Variants in MIPOL1 observed in about 807,000 individuals in gnomAD.
MIPOL1 encodes mirror-image polydactyly 1.
A neutral mutation model predicts 60.9 loss-of-function variants in MIPOL1; 57 were observed. The ratio of observed to expected loss-of-function variants is 0.94; its 90% confidence interval spans 0.76 to 1.17. The LOEUF is 1.17. MIPOL1 is among the 50% of genes most tolerant of loss of function. The pLI, the probability that MIPOL1 is intolerant of heterozygous loss-of-function variation, is 0.00. For missense variants in MIPOL1, 551 were observed against 511.6 expected, an observed-to-expected ratio of 1.08 and a Z score of -0.74; for synonymous variants, 179 against 168.8, an observed-to-expected ratio of 1.06 and a Z score of -0.47.
At chr14:37,308,833 T>C (rs2087021253) in intron 9 of MIPOL1, among the ~76,000 whole-genome samples, 1 of 152,154 alleles carries the variant, frequency 6.6e-6, no homozygotes, top group South Asian at 2.1e-4. Context: ...TGGGACTTCT[T>C]ACTTAAATTA....
intron 11 of MIPOL1, among the ~76,000 whole-genome samples, chr14:37,431,705 A>G (rs1483478698): frequency 7.1e-6 from 1 of 140,454 alleles, no homozygotes; most frequent in Non-Finnish European, 1.5e-5. Context: ...CAGCCTCCCA[A>G]CTAGCTGGGA....
intron 11 of MIPOL1, among the ~76,000 whole-genome samples, chr14:37,494,873 G>A (rs1046361562): frequency 6.6e-6 from 1 of 152,062 alleles, no homozygotes; most frequent in African/African-American, 2.4e-5. Context: ...AGCCTTGATG[G>A]TAATTAACAG....
In MIPOL1 at chr14:37,268,891, CTTTAATCA is replaced by C. The variant is rs2083081522; in HGVS notation, c.387+104_387+111del. The stretch of plus-strand genomic sequence containing the variant: ...CATCATAATTCAGTTTTATTTTGCA[CTTTAATCA>C]TTTAACAGTAGCTTTATGTTTTTGC... On this transcript the variant is annotated intron_variant, in intron 5 of 12. Coordinates refer to ENST00000684589, the MANE Select transcript of MIPOL1 (RefSeq NM_001388067.1). 5 of 1,008,924 alleles carry C rather than the reference CTTTAATCA, an allele frequency of 5.0e-6. No individual in the cohort carries two copies. In the South Asian group the frequency reaches 8.2e-5, roughly 16 times the overall value. The allele number at this position is 1,008,924 out of a possible 1,614,324, so 62.5% of individuals were successfully genotyped here. A position where few individuals can be genotyped will look rare whatever the true frequency, so the allele number is the denominator to read the frequency against.
chr14:37,476,283 T>C (rs1050778180), intron 11 of MIPOL1, among the ~76,000 whole-genome samples: 7 of 152,194 alleles, frequency 4.6e-5, no homozygotes, highest in Admixed American at 4.6e-4. Flanking sequence ...GGAGTTGTTT[T>C]ATTTGTTTGT....
chr14:37,450,827 A>G (rs1396548765), intron 11 of MIPOL1, among the ~76,000 whole-genome samples: 1 of 152,064 alleles, frequency 6.6e-6, no homozygotes, highest in Non-Finnish European at 1.5e-5. Flanking sequence ...TTTTTTATCA[A>G]TGTATTTGAA....
intron 11 of MIPOL1, among the ~76,000 whole-genome samples, chr14:37,494,572 A>G (rs962946939): frequency 6.6e-6 from 1 of 152,214 alleles, no homozygotes; most frequent in Non-Finnish European, 1.5e-5. Context: ...GCAGGGCTTT[A>G]TAGACCACAG....
chr14:37,359,230 A>C (rs1287956660), intron 9 of MIPOL1, among the ~76,000 whole-genome samples: 1 of 152,174 alleles, frequency 6.6e-6, no homozygotes, highest in African/African-American at 2.4e-5. Context: ...TGTTTTGGTT[A>C]CTGTAGCCTT....
intron 9 of MIPOL1, among the ~76,000 whole-genome samples, chr14:37,309,637 C>T (rs1206197632): frequency 6.6e-6 from 1 of 151,892 alleles, no homozygotes; most frequent in Non-Finnish European, 1.5e-5. Flanking sequence ...CGCTTTCTGA[C>T]TACCAGCTGC....
chr14:37,379,798 A>G (rs1303536885), intron 10 of MIPOL1, among the ~76,000 whole-genome samples: 2 of 152,116 alleles, frequency 1.3e-5, no homozygotes, highest in Non-Finnish European at 2.9e-5. Context: ...TTATTAAGTA[A>G]AAGTGGGAAG....
At position 37,207,580 on chromosome 14, in the gene MIPOL1, C is replaced by G. The variant is rs565946549; in HGVS notation, c.-199+9476C>G. 1.1e-3 allele frequency among the ~76,000 whole-genome samples: 160 copies of G among 152,140 alleles called. 1 individual carries two copies. Among genetic ancestry groups the G allele is most frequent in the Admixed American group, 2.6e-3 (39 of 15,282 alleles). On this transcript the variant is annotated intron_variant, in intron 1 of 12. Transcript: ENST00000684589. The stretch of plus-strand genomic sequence containing the variant: ...TTATTTTTTGAGATGGAGTCTCTCT[C>G]TGTTGCTCAGGCTGGAGTGCAGTGG...
At chr14:37,546,874 C>G (rs181581017) in intron 12 of MIPOL1, 31 bp from the exon 13 acceptor site, 25 of 1,590,456 alleles carry the variant, frequency 1.6e-5, no homozygotes, top group Admixed American at 5.2e-5. Flanking sequence ...CTTTTTTTCC[C>G]CTTCTCACCC....
intron 3 of MIPOL1, among the ~76,000 whole-genome samples, chr14:37,252,997 T>A (rs1450318235): frequency 1.3e-5 from 2 of 151,820 alleles, no homozygotes; most frequent in Non-Finnish European, 2.9e-5. Context: ...ATTATGATTA[T>A]ATACTCCTTG....
intron 10 of MIPOL1, among the ~76,000 whole-genome samples, chr14:37,398,166 G>A (rs1404452099): frequency 1.3e-5 from 2 of 152,044 alleles, no homozygotes; most frequent in Admixed American, 6.6e-5. Context: ...CTCTACCCCT[G>A]TATTTTGTTC....
intron 10 of MIPOL1, among the ~76,000 whole-genome samples, chr14:37,396,212 G>A (rs1477889151): frequency 6.6e-6 from 1 of 152,056 alleles, no homozygotes; most frequent in Admixed American, 6.6e-5. Context: ...GAAAAAGACT[G>A]TATCTTTCCT....
At chr14:37,287,235 A>T (rs1017893522) in intron 7 of MIPOL1, among the ~76,000 whole-genome samples, 5 of 150,694 alleles carry the variant, frequency 3.3e-5, no homozygotes, top group Admixed American at 6.6e-5. Context: ...TTAAAAATAT[A>T]TATATATGTA....
At chr14:37,222,489 TTTC>T (rs1475907647) in intron 1 of MIPOL1, among the ~76,000 whole-genome samples, 1 of 151,930 alleles carries the variant, frequency 6.6e-6, no homozygotes, top group East Asian at 1.9e-4. Flanking sequence ...TGCTTAGAAA[TTTC>T]TTCTGCCAGA....
intron 11 of MIPOL1, among the ~76,000 whole-genome samples, chr14:37,433,899 A>G (rs533736480): frequency 8.3e-4 from 127 of 152,112 alleles, no homozygotes; most frequent in Non-Finnish European, 1.6e-3. Flanking sequence ...TCCATGGTGT[A>G]TATGTGCTAC....
At chr14:37,483,743 C>T (rs2094908217) in intron 11 of MIPOL1, among the ~76,000 whole-genome samples, 1 of 152,094 alleles carries the variant, frequency 6.6e-6, no homozygotes. Context: ...TCAAGCAATC[C>T]TCCTGCCTCA....
rs181099444 is a variant in MIPOL1, at chr14:37,277,344, T to A, written c.493+6819T>A. On this transcript the variant is annotated intron_variant, in intron 6 of 12. Coordinates refer to ENST00000684589, the MANE Select transcript of MIPOL1 (RefSeq NM_001388067.1). ...ATCAAATTTAAGGCTGATAGTCTGTTTAGTAAATAAAAATTTTTTAAGTTA... is the reference window on the plus strand; with the variant it reads ...ATCAAATTTAAGGCTGATAGTCTGTATAGTAAATAAAAATTTTTTAAGTTA... The A allele has an allele frequency of 1.4e-4, 21 of 151,372 alleles. No homozygotes were observed. In the East Asian group the frequency reaches 4.1e-3, roughly 29 times the overall value. The allele number at this position is 151,372 out of a possible 1,614,324, so 9.4% of individuals were successfully genotyped here.
Sources: gnomAD v4.1 joint callset for allele counts (sites outside exome capture counted in the v4.1 genomes callset) on GRCh38, gnomAD v4.1.1 for gene constraint, MANE v1.5 for transcripts, NCBI Gene and HGNC (gene_info 2026-07-23, HGNC 2026-07-21) for gene names.